The following GRIK3 variants were observed in gnomAD, a reference collection of about 807,000 sequenced individuals.
GRIK3 encodes glutamate ionotropic receptor kainate type subunit 3.
In GRIK3, 29 loss-of-function variants were observed where a neutral mutation model predicts 102.5. The ratio of observed to expected loss-of-function variants is 0.28; its 90% CI spans 0.21 to 0.39. The LOEUF is 0.39. GRIK3 is among the 10% of genes least tolerant of loss of function. GRIK3 has a pLI of 1.00. For synonymous variants in GRIK3, 511 were observed against 504.9 expected (o/e 1.01, Z -0.16); for missense variants, 908 against 1,252.4 (o/e 0.73, Z 4.15).
chr1:36,918,842 T>C (rs1641434766), intron 1 of GRIK3, among the ~76,000 whole-genome samples: 1 of 152,242 alleles, frequency 6.6e-6, no homozygotes, highest in African/African-American at 2.4e-5. Flanking sequence ...TGAGCAGCCC[T>C]CTGACCTCTC....
chr1:37,031,746 C>A (rs1310350152), intron 1 of GRIK3, among the ~76,000 whole-genome samples: 1 of 152,220 alleles, frequency 6.6e-6, no homozygotes. Context: ...CTGGGCCCAG[C>A]CAAGGTGGTG....
At chr1:36,930,554 A>T (rs117559849) in intron 1 of GRIK3, among the ~76,000 whole-genome samples, 2 of 152,316 alleles carry the variant, frequency 1.3e-5, no homozygotes, top group South Asian at 4.1e-4. Context: ...GCTCTGGTCC[A>T]TCACACATGC....
At chr1:36,967,384 C>A (rs1366329466) in intron 1 of GRIK3, among the ~76,000 whole-genome samples, 2 of 152,232 alleles carry the variant, frequency 1.3e-5, no homozygotes, top group Non-Finnish European at 2.9e-5. Context: ...CCATGCCCAG[C>A]AGGGCCTGAC....
At position 36,982,871 on chromosome 1, in the gene GRIK3, C is replaced by CA. The variant is rs3835548; in HGVS notation, c.115+51122dup. ...GCCAGGCTGGGTGAAGGCTGTTGGC[C>CA]AACAAGTAGGGCAAGGAGCCGACTG... is the stretch of plus-strand genomic sequence containing the variant. On this transcript the variant is annotated intron_variant, in intron 1 of 15. Transcript: ENST00000373091. 2.5e-3 allele frequency among the ~76,000 whole-genome samples: 382 copies of CA among 152,112 alleles called. 11 individuals carry two copies. The East Asian group carries it at 0.055, about 22-fold the overall frequency.
At chr1:36,821,747 G>A (rs1187281166) in intron 11 of GRIK3, among the ~76,000 whole-genome samples, 1 of 152,204 alleles carries the variant, frequency 6.6e-6, no homozygotes, top group East Asian at 1.9e-4. Context: ...GGGGCTGTGT[G>A]GGGAGTGGGC....
In GRIK3 at chr1:36,796,167, C is replaced by A. The variant is rs891243328; in HGVS notation, c.*5684G>T. The stretch of plus-strand genomic sequence containing the variant: ...CGGAAGCCCACCTCAGATATCTCCT[C>A]CCCTGCATGCTCCAGAGATGCTCAG... On this transcript the variant is annotated 3_prime_UTR_variant, in exon 16 of 16. Transcript: ENST00000373091. The A allele has an allele frequency of 6.6e-6, 1 of 152,446 alleles. No homozygotes were observed. Among genetic ancestry groups the A allele is most frequent in the Non-Finnish European group, 1.5e-5 (1 of 68,220 alleles). 9.4% of individuals were successfully genotyped at this position (152,446 alleles called of 1,614,324 possible).
chr1:36,812,021 G>A (rs551547541), intron 13 of GRIK3, among the ~76,000 whole-genome samples: 23 of 152,234 alleles, frequency 1.5e-4, no homozygotes, highest in African/African-American at 5.3e-4. Flanking sequence ...AATTCTGCCT[G>A]GGCATTACAT....
chr1:36,890,083 G>A (rs927996024), intron 2 of GRIK3, among the ~76,000 whole-genome samples: 2 of 152,138 alleles, frequency 1.3e-5, no homozygotes, highest in African/African-American at 4.8e-5. Context: ...CACGGGTGAA[G>A]GATCACTCTT....
chr1:36,801,892 T>C lies in GRIK3; in HGVS notation c.2719A>G (p.Ser907Gly). Reference protein sequence around the residue: ...FNDRRLPGKDSMACSTSLAPV... With the variant: ...FNDRRLPGKDGMACSTSLAPV... ...GCTAAGGATGTGCTGCAGGCCATGC[T>C]GTCCTTGCCGGGAAGCCGGCGGTCA... The change falls in exon 16 of 16, where the codon AGC becomes GGC. Residue 907 changes from serine to glycine, a missense_variant. Transcript: ENST00000373091. 1 of 1,613,110 alleles carries C rather than the reference T, an allele frequency of 6.2e-7. No individual in the cohort carries two copies. Among genetic ancestry groups the C allele is most frequent in the South Asian group, 1.1e-5 (1 of 90,888 alleles).
chr1:36,902,427 CATAA>C (rs1641241508), intron 1 of GRIK3, among the ~76,000 whole-genome samples: 1 of 152,184 alleles, frequency 6.6e-6, no homozygotes, highest in Non-Finnish European at 1.5e-5. Context: ...TGCAGACCCA[CATAA>C]ATAAAGTCGA....
rs1015892345 is a variant in GRIK3, at chr1:36,797,614, G to A, written c.*4237C>T. 3.3e-5 allele frequency: 5 copies of A among 152,396 alleles called. No homozygotes were observed. Among genetic ancestry groups the A allele is most frequent in the Admixed American group, 2.6e-4 (4 of 15,306 alleles). 9.4% of individuals were successfully genotyped at this position (152,396 alleles called of 1,614,324 possible). A position where few individuals can be genotyped will look rare whatever the true frequency, so the allele number is the denominator to read the frequency against. On this transcript the variant is annotated 3_prime_UTR_variant, in exon 16 of 16. Coordinates refer to ENST00000373091, the MANE Select transcript of GRIK3 (RefSeq NM_000831.4). ...CCATGAGGCTGGGCCCATCCCAGAT[G>A]ATAAGTCCATGCAGCTGTTTGTCCA...
At position 36,836,666 on chromosome 1, in the gene GRIK3, C is replaced by T. The variant is rs183314676; in HGVS notation, c.1530+5070G>A. On this transcript the variant is annotated intron_variant, in intron 10 of 15. Coordinates refer to ENST00000373091, the MANE Select transcript of GRIK3 (RefSeq NM_000831.4). ...GTTCCATACTTCATCTTGGTCCAGC[C>T]CCATCTATGAGGCAGGGAAAACTTC... is the stretch of plus-strand genomic sequence containing the variant. Among the ~76,000 whole-genome samples, 6 of 152,308 alleles carry T rather than the reference C, an allele frequency of 3.9e-5. No homozygotes were observed. In the East Asian group the frequency reaches 9.6e-4, roughly 24 times the overall value.
chr1:36,997,449 T>C (rs995716370), intron 1 of GRIK3, among the ~76,000 whole-genome samples: 1 of 152,202 alleles, frequency 6.6e-6, no homozygotes, highest in African/African-American at 2.4e-5. Flanking sequence ...AGAAATATAA[T>C]TCCAGAGCTC....
At chr1:36,925,546 G>A (rs1360430027) in intron 1 of GRIK3, among the ~76,000 whole-genome samples, 1 of 152,272 alleles carries the variant, frequency 6.6e-6, no homozygotes, top group African/African-American at 2.4e-5. Context: ...CAGATGTTGT[G>A]TAGAAACAGA....
At chr1:36,943,905 A>G (rs1412159368) in intron 1 of GRIK3, among the ~76,000 whole-genome samples, 19 of 152,196 alleles carry the variant, frequency 1.2e-4, no homozygotes, top group Admixed American at 1.2e-3. Flanking sequence ...TTGGCCTCAC[A>G]CTGTTTTTCC....
At chr1:36,964,173 G>A (rs921289392) in intron 1 of GRIK3, among the ~76,000 whole-genome samples, 1 of 152,226 alleles carries the variant, frequency 6.6e-6, no homozygotes, top group African/African-American at 2.4e-5. Context: ...GCGAGGTCTG[G>A]CACAGATGGA....
chr1:37,022,974 C>T (rs1642730711), intron 1 of GRIK3, among the ~76,000 whole-genome samples: 1 of 152,178 alleles, frequency 6.6e-6, no homozygotes, highest in Admixed American at 6.5e-5. Context: ...TTGAGAAATG[C>T]TTCCTGGAGG....
chr1:36,891,234 T>C lies in GRIK3; in HGVS notation c.116-138A>G, dbSNP rs904306251. 2.1e-5 allele frequency: 13 copies of C among 613,966 alleles called. No individual in the cohort carries two copies. In the South Asian group the frequency reaches 3.8e-4, roughly 18 times the overall value. 38.0% of individuals were successfully genotyped at this position (613,966 alleles called of 1,614,324 possible). A position where few individuals can be genotyped will look rare whatever the true frequency, so the allele number is the denominator to read the frequency against. ...TAATATCCTAGGTAACTGCCATACC[T>C]AGAAAGTGTGCAGGAGCACAAGAAA... On this transcript the variant is annotated intron_variant, in intron 1 of 15. Coordinates refer to ENST00000373091, the MANE Select transcript of GRIK3 (RefSeq NM_000831.4).
chr1:36,939,819 G>A (rs982871795), intron 1 of GRIK3, among the ~76,000 whole-genome samples: 1 of 152,178 alleles, frequency 6.6e-6, no homozygotes, highest in African/African-American at 2.4e-5. Flanking sequence ...GAATCAGAGG[G>A]GGACCCTTGT....
Sources: gnomAD v4.1 joint callset for allele counts (sites outside exome capture counted in the v4.1 genomes callset) on GRCh38, gnomAD v4.1.1 for gene constraint, MANE v1.5 for transcripts, NCBI Gene and HGNC (gene_info 2026-07-23, HGNC 2026-07-21) for gene names.